KCNA2: variants seen among roughly 807,000 people sequenced by gnomAD.
KCNA2 encodes the protein potassium voltage-gated channel subfamily A member 2, also known as potassium channel, voltage gated shaker related subfamily A, member 2.
In KCNA2, 11 loss-of-function variants were observed where a neutral mutation model predicts 33.4. The observed-to-expected ratio is 0.33, with a 90% CI of 0.21 to 0.55. The LOEUF (loss-of-function observed/expected upper bound fraction) is 0.55, where lower values mean the gene tolerates loss of function less well. Ranked by LOEUF, KCNA2 falls within the 20% of genes least tolerant of loss-of-function variation. The pLI is 0.93. For missense variants in KCNA2, 291 were observed against 621.6 expected (o/e 0.47, Z 5.66); for synonymous variants, 222 against 231.3 (o/e 0.96, Z 0.37).
chr1:110,603,820 G>A lies in KCNA2; in HGVS notation c.963C>T (p.Leu321=). The change falls in exon 3 of 3, where the codon CTC becomes CTT. Residue 321 remains leucine, a synonymous_variant. Transcript: ENST00000316361. This position sits in a 1 kb window ranked among gnomAD's most constrained non-coding sequence, Gnocchi z 5.7. ...GGCCCAATTCTCTCATGCTGGCTTT[G>A]AGGGTCTGACCTAGAATCTGGAGAC... is the stretch of plus-strand genomic sequence containing the variant. ...SKGLQILGQT[L]KASMRELGLL... 6.2e-7 allele frequency: 1 copy of A among 1,614,146 alleles called. No individual in the cohort carries two copies. Among genetic ancestry groups the A allele is most frequent in the Non-Finnish European group, 8.5e-7 (1 of 1,180,014 alleles).
In KCNA2 at chr1:110,602,134, C is replaced by T; in HGVS notation, c.*1149G>A. 1 of 1,550,482 alleles carries T rather than the reference C, an allele frequency of 6.4e-7. No homozygotes were observed. Among genetic ancestry groups the T allele is most frequent in the Non-Finnish European group, 8.7e-7 (1 of 1,146,996 alleles). On this transcript the variant is annotated 3_prime_UTR_variant, in exon 3 of 3. Transcript: ENST00000316361. ...TGTGAGGTGTTCAGATGCTGCCTTC[C>T]CCGCTTACTCTTCTGGCTTTGCAGA...
rs1649302991 is a variant in KCNA2 at position 110,600,730 on chromosome 1, C to T, written c.*2553G>A. 5 of 985,292 alleles carry T rather than the reference C, an allele frequency of 5.1e-6. No individual in the cohort carries two copies. In the South Asian group the frequency reaches 1.9e-4, roughly 37 times the overall value. 61.0% of individuals were successfully genotyped at this position (985,292 alleles called of 1,614,324 possible). Reference sequence around the variant, plus strand: ...TTCCAAAGATCTGTGTCCCTCCCACCCCATGCCTTGGAAATTCAGCACCAC... The same window carrying T: ...TTCCAAAGATCTGTGTCCCTCCCACTCCATGCCTTGGAAATTCAGCACCAC... On this transcript the variant is annotated 3_prime_UTR_variant, in exon 3 of 3. Transcript: ENST00000316361.
Position 110,599,770 on chromosome 1 carries a change from C to G in KCNA2, c.*3513G>C. Reference sequence around the variant, plus strand: ...TGCTTTTAAGAGAATAGGGCTGAATCTGGAGATCCCAGGTGCTGGGAGAAG... The same window carrying G: ...TGCTTTTAAGAGAATAGGGCTGAATGTGGAGATCCCAGGTGCTGGGAGAAG... On this transcript the variant is annotated 3_prime_UTR_variant, in exon 3 of 3. Coordinates refer to ENST00000316361, the MANE Select transcript of KCNA2 (RefSeq NM_004974.4). 1.0e-6 allele frequency: 1 copy of G among 985,468 alleles called. No homozygotes were observed. Among genetic ancestry groups the G allele is most frequent in the Non-Finnish European group, 1.2e-6 (1 of 830,032 alleles). 61.0% of individuals were successfully genotyped at this position (985,468 alleles called of 1,614,324 possible). A position where few individuals can be genotyped will look rare whatever the true frequency, so the allele number is the denominator to read the frequency against.
In KCNA2 at chr1:110,594,908, AC is replaced by A. The variant is rs1649031911; in HGVS notation, c.*8374del. The stretch of plus-strand genomic sequence containing the variant: ...AAAAAGGCAGTAATGTTAGCAGCTG[AC>A]ATGGAAATTGTTTGGTAGCAAAGTG... On this transcript the variant is annotated 3_prime_UTR_variant, in exon 3 of 3. Coordinates refer to ENST00000316361, the MANE Select transcript of KCNA2 (RefSeq NM_004974.4). 2.2e-5 allele frequency: 22 copies of A among 985,336 alleles called. No individual in the cohort carries two copies. Among genetic ancestry groups the A allele is most frequent in the Non-Finnish European group, 2.5e-5 (21 of 829,942 alleles). 61.0% of individuals were successfully genotyped at this position (985,336 alleles called of 1,614,324 possible). A position where few individuals can be genotyped will look rare whatever the true frequency, so the allele number is the denominator to read the frequency against.
At chr1:110,625,948 T>C (rs942852991) in intron 1 of KCNA2, among the ~76,000 whole-genome samples, 2 of 152,360 alleles carry the variant, frequency 1.3e-5, no homozygotes, top group East Asian at 3.9e-4. Context: ...TTTAGCCATA[T>C]ATTTATTTTC....
At chr1:110,607,285 A>G (rs72978923), upstream of KCNA2, 36,062 of 151,698 alleles carry the variant, frequency 0.24, 6,689 homozygotes, top group African/African-American at 0.48. Flanking sequence ...CCATGTTCCT[A>G]GGTTACGGCC....
chr1:110,620,726 T>C (rs938724405), intron 1 of KCNA2, among the ~76,000 whole-genome samples: 3 of 152,190 alleles, frequency 2.0e-5, no homozygotes, highest in Non-Finnish European at 2.9e-5. Flanking sequence ...GTCATCCACA[T>C]AGCTCCTGAG....
intron 1 of KCNA2, among the ~76,000 whole-genome samples, chr1:110,623,241 T>C (rs1016284647): frequency 1.3e-5 from 2 of 152,206 alleles, no homozygotes; most frequent in Non-Finnish European, 2.9e-5. Context: ...CTCGAACAAC[T>C]GAACAGCTAT....
rs754371544 is a variant in KCNA2 at position 110,604,174 on chromosome 1, G to A, written c.609C>T (p.His203=). 2.5e-6 allele frequency: 4 copies of A among 1,614,096 alleles called. No individual in the cohort carries two copies. Among genetic ancestry groups the A allele is most frequent in the Non-Finnish European group, 3.4e-6 (4 of 1,180,050 alleles). ...EDMHGSGVTF[H]TYSNSTIGYQ... ...ACCCGATGGTGCTGTTGGAATAGGT[G>A]TGGAAGGTCACCCCACTACCATGCA... The change falls in exon 3 of 3, where the codon CAC becomes CAT. Residue 203 remains histidine (H), a synonymous_variant. Coordinates refer to ENST00000316361, the MANE Select transcript of KCNA2 (RefSeq NM_004974.4). This position sits in a 1 kb window ranked among gnomAD's most constrained non-coding sequence, Gnocchi z 7.6.
rs191750854 is a variant in KCNA2 at position 110,618,630 on chromosome 1, G to A, written c.-496+12765C>T. Reference sequence around the variant, plus strand: ...GTAGAGAGCCCTGCTCAGGTGCACCGAACATCATGACTTAGAGTCTAATTG... The same window carrying A: ...GTAGAGAGCCCTGCTCAGGTGCACCAAACATCATGACTTAGAGTCTAATTG... On this transcript the variant is annotated intron_variant, in intron 1 of 4. Coordinates refer to the KCNA2 transcript ENST00000369770. 1.8e-4 allele frequency among the ~76,000 whole-genome samples: 28 copies of A among 152,238 alleles called. No homozygotes were observed. In the East Asian group the frequency reaches 4.1e-3, roughly 22 times the overall value.
At chr1:110,626,071 A>G (rs1284553619) in intron 1 of KCNA2, among the ~76,000 whole-genome samples, 2 of 152,220 alleles carry the variant, frequency 1.3e-5, no homozygotes, top group Non-Finnish European at 2.9e-5. Flanking sequence ...AAATACATTT[A>G]CCCTTTGACC....
At chr1:110,607,899 C>G (rs943451267), upstream of KCNA2, 10 of 152,326 alleles carry the variant, frequency 6.6e-5, no homozygotes, top group Non-Finnish European at 1.3e-4. Flanking sequence ...GATTTGGCTT[C>G]GCAGGGAAAT....
intron 1 of KCNA2, among the ~76,000 whole-genome samples, chr1:110,627,923 A>C (rs1650444722): frequency 6.6e-6 from 1 of 152,150 alleles, no homozygotes; most frequent in African/African-American, 2.4e-5. Flanking sequence ...ACATAGCAAG[A>C]ATAGGAAGTG....
chr1:110,626,829 C>T (rs936365955), intron 1 of KCNA2, among the ~76,000 whole-genome samples: 9 of 152,184 alleles, frequency 5.9e-5, no homozygotes, highest in African/African-American at 2.2e-4. Context: ...GCTCTGGGAC[C>T]TGAGTCTTTG....
chr1:110,596,458 A>G lies in KCNA2; in HGVS notation c.*6825T>C, dbSNP rs561428609. On this transcript the variant is annotated 3_prime_UTR_variant, in exon 3 of 3. Coordinates refer to ENST00000316361, the MANE Select transcript of KCNA2 (RefSeq NM_004974.4). Reference sequence around the variant, plus strand: ...TTTTCTTACTATCCTTTCAGTAGAAAGAGGCAAATGACAGCAAGGGCTCCG... The same window carrying G: ...TTTTCTTACTATCCTTTCAGTAGAAGGAGGCAAATGACAGCAAGGGCTCCG... 7.3e-4 allele frequency: 139 copies of G among 190,568 alleles called. 2 individuals are homozygous for G. The highest frequency in any genetic ancestry group is 1.2e-4 in the Non-Finnish European group (12 of 103,046). 11.8% of individuals were successfully genotyped at this position (190,568 alleles called of 1,614,324 possible). A position where few individuals can be genotyped will look rare whatever the true frequency, so the allele number is the denominator to read the frequency against.
In KCNA2 at chr1:110,594,840, C is replaced by A. The variant is rs376514916; in HGVS notation, c.*8443G>T. On this transcript the variant is annotated 3_prime_UTR_variant, in exon 3 of 3. Transcript: ENST00000316361. The stretch of plus-strand genomic sequence containing the variant: ...TGGAGCTGATGTGCTCCTTTCCAGC[C>A]CCACCTGGCAGGTCAAAGTCCTTGC... 1.0e-6 allele frequency: 1 copy of A among 985,188 alleles called. No homozygotes were observed. The highest frequency in any genetic ancestry group is 1.2e-6 in the Non-Finnish European group (1 of 829,936). 61.0% of individuals were successfully genotyped at this position (985,188 alleles called of 1,614,324 possible). A position where few individuals can be genotyped will look rare whatever the true frequency, so the allele number is the denominator to read the frequency against.
At chr1:110,621,258 G>C (rs1650251404) in intron 1 of KCNA2, among the ~76,000 whole-genome samples, 1 of 152,184 alleles carries the variant, frequency 6.6e-6, no homozygotes, top group Non-Finnish European at 1.5e-5. Context: ...TTTAACCATA[G>C]CTTCACATGG....
chr1:110,613,252 A>G (rs914824783), intron 1 of KCNA2, among the ~76,000 whole-genome samples: 1 of 152,094 alleles, frequency 6.6e-6, no homozygotes, highest in Non-Finnish European at 1.5e-5. Flanking sequence ...CCTGGTCTCC[A>G]CCCACCAACA....
At position 110,595,142 on chromosome 1, in the gene KCNA2, T is replaced by G. The variant is rs1649042732; in HGVS notation, c.*8141A>C. On this transcript the variant is annotated 3_prime_UTR_variant, in exon 3 of 3. Transcript: ENST00000316361. ...CCAAGGGTCCTAGCACACAGCCACA[T>G]CTACACTGCCCTCAATGATCTAGAT... The G allele has an allele frequency of 1.0e-6, 1 of 985,368 alleles. No individual in the cohort carries two copies. Among genetic ancestry groups the G allele is most frequent in the Non-Finnish European group, 1.2e-6 (1 of 829,938 alleles). 61.0% of individuals were successfully genotyped at this position (985,368 alleles called of 1,614,324 possible).
Sources: allele counts gnomAD v4.1 joint callset (sites outside exome capture counted in the v4.1 genomes callset), GRCh38; gene constraint gnomAD v4.1.1; non-coding constraint Gnocchi (gnomAD v3.1); transcripts MANE v1.5; gene names NCBI Gene and HGNC (gene_info 2026-07-23, HGNC 2026-07-21).